RBFOX1: variants seen among roughly 807,000 people sequenced by gnomAD.
RBFOX1 encodes RNA binding fox-1 homolog 1.
In RBFOX1, 8 loss-of-function variants were observed where a neutral mutation model predicts 57.7. The observed-to-expected ratio is 0.14, with a 90% CI of 0.08 to 0.25. The LOEUF (loss-of-function observed/expected upper bound fraction) is 0.25, where lower values mean the gene tolerates loss of function less well. Among genes scored for constraint, RBFOX1 ranks in the 10% least tolerant of loss-of-function variants. The pLI, the probability that RBFOX1 is intolerant of heterozygous loss-of-function variation, is 1.00. For missense variants in RBFOX1, 611 were observed against 548.5 expected, an observed-to-expected ratio of 1.11 and a Z score of -1.14; for synonymous variants, 326 against 222.4, an observed-to-expected ratio of 1.47 and a Z score of -4.15.
intron 3 of RBFOX1, among the ~76,000 whole-genome samples, chr16:6,728,719 T>G (rs996191997): frequency 2.0e-5 from 3 of 152,150 alleles, no homozygotes; most frequent in Non-Finnish European, 4.4e-5. Context: ...CATTTTATAT[T>G]TAATGCTCAA....
At chr16:5,250,818 C>T (rs754700475) in intron 1 of RBFOX1, among the ~76,000 whole-genome samples, 14 of 152,178 alleles carry the variant, frequency 9.2e-5, no homozygotes, top group East Asian at 1.9e-4. Context: ...CAGTCACAGA[C>T]GGTGTTCTGA....
chr16:6,383,299 T>A (rs929520579), intron 2 of RBFOX1, among the ~76,000 whole-genome samples: 3 of 152,248 alleles, frequency 2.0e-5, no homozygotes, highest in African/African-American at 7.2e-5. Flanking sequence ...TTGGCATCAG[T>A]TGACTCTCCT....
intron 3 of RBFOX1, among the ~76,000 whole-genome samples, chr16:6,807,156 C>A (rs2154262963): frequency 6.6e-6 from 1 of 151,714 alleles, no homozygotes; most frequent in South Asian, 2.1e-4. Flanking sequence ...TTTAATAAAA[C>A]ACTGGTTACA....
intron 2 of RBFOX1, among the ~76,000 whole-genome samples, chr16:6,335,562 G>C (rs929342087): frequency 6.6e-6 from 1 of 151,812 alleles, no homozygotes; most frequent in African/African-American, 2.4e-5. Context: ...GGTGGATCAC[G>C]AGGTCAAGAG....
chr16:5,800,290 C>G lies in RBFOX1; in HGVS notation c.319-67013C>G, dbSNP rs142857017. ...TTGGATTAGCAGAGGAGACTGGACC[C>G]CATAGTCCATTTCGTTACTCATGCA... On this transcript the variant is annotated intron_variant, in intron 3 of 19. Transcript: ENST00000641259. Among the ~76,000 whole-genome samples the G allele has an allele frequency of 4.8e-3, 730 of 152,116 alleles. 3 individuals carry two copies. The highest frequency in any genetic ancestry group is 8.8e-3 in the Non-Finnish European group (599 of 67,992).
At chr16:5,276,976 A>AAAAGACACTTC (rs1200599538) in intron 1 of RBFOX1, among the ~76,000 whole-genome samples, 2 of 152,226 alleles carry the variant, frequency 1.3e-5, no homozygotes, top group Non-Finnish European at 2.9e-5. Flanking sequence ...CATCGTATGA[A>AAAAGACACTTC]AAAGACACTT....
chr16:7,270,108 A>G (rs1006618516), intron 4 of RBFOX1, among the ~76,000 whole-genome samples: 5 of 152,230 alleles, frequency 3.3e-5, no homozygotes, highest in Admixed American at 6.5e-5. Context: ...AGAAGCTAAT[A>G]CTTCTCGTTG....
chr16:7,095,467 A>G (rs181043830), intron 4 of RBFOX1, among the ~76,000 whole-genome samples: 19 of 152,322 alleles, frequency 1.2e-4, no homozygotes, highest in Non-Finnish European at 4.4e-5. Flanking sequence ...AGAACTCATG[A>G]CAAAATGAAA....
intron 3 of RBFOX1, among the ~76,000 whole-genome samples, chr16:5,702,150 T>C (rs1433716523): frequency 6.6e-6 from 1 of 152,148 alleles, no homozygotes; most frequent in Admixed American, 6.5e-5. Context: ...TGAGACTGGG[T>C]AATTTATGAA....
chr16:7,335,307 C>T (rs574877662), intron 4 of RBFOX1, among the ~76,000 whole-genome samples: 2 of 152,126 alleles, frequency 1.3e-5, no homozygotes, highest in Non-Finnish European at 2.9e-5. Flanking sequence ...AATTAAGGTT[C>T]TATCACCACC....
chr16:5,457,159 CAG>C (rs565346487), intron 1 of RBFOX1, among the ~76,000 whole-genome samples: 6 of 152,022 alleles, frequency 3.9e-5, no homozygotes, highest in Middle Eastern at 3.2e-3. Flanking sequence ...TTTTTTGAGA[CAG>C]AGTCTTGTTC....
chr16:6,765,474 T>C (rs7205882), intron 3 of RBFOX1, among the ~76,000 whole-genome samples: 119,272 of 152,062 alleles, frequency 0.78, 47,540 homozygotes, highest in Middle Eastern at 0.86. Flanking sequence ...AACATACCCC[T>C]ATAACTCAAG....
chr16:5,668,425 G>C (rs573139512), intron 3 of RBFOX1, among the ~76,000 whole-genome samples: 3 of 152,208 alleles, frequency 2.0e-5, no homozygotes, highest in African/African-American at 7.2e-5. Flanking sequence ...GTGAGAAAGA[G>C]AAGTGCTTCA....
intron 3 of RBFOX1, among the ~76,000 whole-genome samples, chr16:5,849,301 G>T (rs1410199450): frequency 6.6e-6 from 1 of 152,122 alleles, no homozygotes; most frequent in Admixed American, 6.6e-5. Context: ...TTGGGAAATG[G>T]CAGTAACAAG....
intron 2 of RBFOX1, among the ~76,000 whole-genome samples, chr16:6,552,508 G>T (rs1428287275): frequency 2.6e-5 from 4 of 152,118 alleles, no homozygotes; most frequent in Non-Finnish European, 5.9e-5. Flanking sequence ...ATGTTTGCCT[G>T]GTCTATGGTA....
At chr16:5,596,229 T>C (rs2047177490) in intron 2 of RBFOX1, among the ~76,000 whole-genome samples, 1 of 152,128 alleles carries the variant, frequency 6.6e-6, no homozygotes, top group South Asian at 2.1e-4. Flanking sequence ...CATACTCGAG[T>C]GTGAGTCCTA....
At chr16:5,781,135 C>T (rs1461222872) in intron 3 of RBFOX1, among the ~76,000 whole-genome samples, 1 of 152,154 alleles carries the variant, frequency 6.6e-6, no homozygotes, top group South Asian at 2.1e-4. Context: ...ACCTGCCGAA[C>T]AGTCACCGAA....
intron 5 of RBFOX1, among the ~76,000 whole-genome samples, chr16:7,537,771 C>T (rs1206464663): frequency 2.0e-5 from 3 of 152,134 alleles, no homozygotes; most frequent in Non-Finnish European, 4.4e-5. Flanking sequence ...AAGCAAACCC[C>T]GCCTCCACCC....
intron 1 of RBFOX1, among the ~76,000 whole-genome samples, chr16:6,031,644 C>T (rs960200998): frequency 4.6e-5 from 7 of 152,162 alleles, no homozygotes; most frequent in African/African-American, 1.4e-4. Context: ...TATGTATGTA[C>T]ATGCATGTAT....
Sources: allele counts gnomAD v4.1 joint callset (sites outside exome capture counted in the v4.1 genomes callset), GRCh38; gene constraint gnomAD v4.1.1; transcripts MANE v1.5; gene names NCBI Gene and HGNC (gene_info 2026-07-23, HGNC 2026-07-21).